Variants in LVRN observed in about 807,000 individuals in gnomAD.
The protein encoded by LVRN is laeverin.
A neutral mutation model predicts 111.4 loss-of-function variants in LVRN; 99 were observed. The ratio of observed to expected loss-of-function variants is 0.89; its 90% CI spans 0.76 to 1.05. The LOEUF is 1.05. Among genes scored for constraint, LVRN ranks in the 50% least tolerant of loss-of-function variants. LVRN has a pLI of 0.00. For missense variants in LVRN, 1,414 were observed against 1,206.8 expected (o/e 1.17, Z -2.54); for synonymous variants, 488 against 449.5 (o/e 1.09, Z -1.08).
intron 1 of LVRN, among the ~76,000 whole-genome samples, chr5:115,982,138 T>G (rs570529870): frequency 4.6e-5 from 7 of 152,304 alleles, no homozygotes; most frequent in African/African-American, 1.7e-4. Context: ...AAAACAGGCC[T>G]TACTATAAAT....
At chr5:116,005,616 A>G (rs1314960166) in intron 12 of LVRN, among the ~76,000 whole-genome samples, 15 of 152,204 alleles carry the variant, frequency 9.9e-5, no homozygotes, top group Admixed American at 9.8e-4. Context: ...GGCCTTTTAA[A>G]TTTGGTTGCC....
Position 116,010,751 on chromosome 5 carries a change from A to G in LVRN, c.2104A>G (p.Ile702Val), listed in dbSNP as rs1263331270. Reference sequence around the variant, plus strand: ...TTTTAAATCAAACAGAAACAATTATATTGAGATTGAAACAGCACTTGAGTT... The same window carrying G: ...TTTTAAATCAAACAGAAACAATTATGTTGAGATTGAAACAGCACTTGAGTT... ...DAFSLSKNNY[I>V]EIETALELTK... The change falls in exon 14 of 20, where the codon ATT becomes GTT. Residue 702 changes from isoleucine (I) to valine (V), a missense_variant. Coordinates refer to ENST00000357872, the MANE Select transcript of LVRN (RefSeq NM_173800.5). 1 of 1,595,694 alleles carries G rather than the reference A, an allele frequency of 6.3e-7. No homozygotes were observed. Among genetic ancestry groups the G allele is most frequent in the Admixed American group, 1.8e-5 (1 of 55,568 alleles).
intron 1 of LVRN, among the ~76,000 whole-genome samples, chr5:115,970,437 C>T (rs1217715531): frequency 2.1e-5 from 3 of 144,972 alleles, no homozygotes; most frequent in South Asian, 4.3e-4. Context: ...GGCTGGAGTA[C>T]AGTGACACAA....
At chr5:116,002,503 C>T (rs909627266) in intron 10 of LVRN, among the ~76,000 whole-genome samples, 4 of 152,204 alleles carry the variant, frequency 2.6e-5, no homozygotes, top group Non-Finnish European at 5.9e-5. Flanking sequence ...CTGTTTGCAG[C>T]ATTTGAACTA....
chr5:115,991,167 T>A (rs1304193950), intron 4 of LVRN, among the ~76,000 whole-genome samples: 1 of 152,198 alleles, frequency 6.6e-6, no homozygotes, highest in Admixed American at 6.5e-5. Context: ...ATAGTTTCAC[T>A]GCCATAAAAA....
chr5:115,985,953 T>C (rs950262962), intron 3 of LVRN, among the ~76,000 whole-genome samples: 1 of 152,158 alleles, frequency 6.6e-6, no homozygotes, highest in Non-Finnish European at 1.5e-5. Flanking sequence ...GCTTGCACCA[T>C]TGACATGTGG....
chr5:115,998,426 A>G (rs763256032), intron 6 of LVRN, among the ~76,000 whole-genome samples: 2 of 152,256 alleles, frequency 1.3e-5, no homozygotes, highest in Non-Finnish European at 2.9e-5. Context: ...AAGTTTTTAC[A>G]ACTATGGGAA....
rs991894138 is a variant in LVRN, at chr5:116,003,367, A to T, written c.2024A>T (p.Glu675Val). 92 of 1,459,796 alleles carry T rather than the reference A, an allele frequency of 6.3e-5. No individual in the cohort carries two copies. The East Asian group carries it at 2.2e-3, about 35-fold the overall frequency. The allele number at this position is 1,459,796 out of a possible 1,614,324, so 90.4% of individuals were successfully genotyped here. Residue 675 changes from glutamate (E) to valine (V), a missense_variant, in exon 12 of 20, where the codon GAA becomes GTA. Coordinates refer to ENST00000357872, the MANE Select transcript of LVRN (RefSeq NM_173800.5). ...TGGAAGAAACTAAATCAACAACTTG[A>T]AAAGGATCCTAAGGTAAGGTTACTT... Reference protein sequence around the residue: ...LGWKKLNQQLEKDPKAIPVIH... With the variant: ...LGWKKLNQQLVKDPKAIPVIH...
intron 1 of LVRN, among the ~76,000 whole-genome samples, chr5:115,970,384 C>CTTTTTT (rs3984987): frequency 7.5e-6 from 1 of 133,848 alleles, no homozygotes; most frequent in Non-Finnish European, 1.6e-5. Context: ...GAAATACATT[C>CTTTTTT]TTTTTTTTTT....
intron 1 of LVRN, among the ~76,000 whole-genome samples, chr5:115,971,848 A>G (rs1234332278): frequency 6.6e-6 from 1 of 152,096 alleles, no homozygotes; most frequent in Non-Finnish European, 1.5e-5. Flanking sequence ...TATTAAATAA[A>G]GAAAAAAAAG....
At chr5:116,020,570 AT>A (rs1748705991) in intron 18 of LVRN, among the ~76,000 whole-genome samples, 1 of 152,206 alleles carries the variant, frequency 6.6e-6, no homozygotes, top group Non-Finnish European at 1.5e-5. Context: ...AAAACTTGGA[AT>A]TGTTTTCACT....
intron 13 of LVRN, among the ~76,000 whole-genome samples, chr5:116,007,627 C>G (rs1205688944): frequency 1.3e-5 from 2 of 152,176 alleles, no homozygotes; most frequent in Non-Finnish European, 2.9e-5. Context: ...TTCATTGAAG[C>G]TCCTCAATGG....
chr5:115,980,911 T>C (rs1028382646), intron 1 of LVRN, among the ~76,000 whole-genome samples: 17 of 152,132 alleles, frequency 1.1e-4, no homozygotes, highest in Non-Finnish European at 2.9e-5. Context: ...TCTTTTTCCA[T>C]CCTGCTGGAT....
At chr5:116,025,319 C>T (rs976089313) in intron 19 of LVRN, among the ~76,000 whole-genome samples, 1 of 152,162 alleles carries the variant, frequency 6.6e-6, no homozygotes, top group Non-Finnish European at 1.5e-5. Context: ...GCATTTTCAT[C>T]TTATGGCTAT....
intron 6 of LVRN, among the ~76,000 whole-genome samples, chr5:115,997,537 C>T (rs1748141804): frequency 6.6e-6 from 1 of 151,652 alleles, no homozygotes; most frequent in South Asian, 2.1e-4. Flanking sequence ...GGTGCTGCAC[C>T]CTTGTAGTCC....
At chr5:116,003,748 A>AT (rs1312542644) in intron 12 of LVRN, among the ~76,000 whole-genome samples, 1 of 151,686 alleles carries the variant, frequency 6.6e-6, no homozygotes, top group Non-Finnish European at 1.5e-5. Flanking sequence ...CGCCCGGCTA[A>AT]TTTTTTGTAT....
intron 18 of LVRN, chr5:116,021,136 T>G (rs1289022156): frequency 5.3e-5 from 8 of 152,222 alleles, no homozygotes; most frequent in Non-Finnish European, 1.2e-4. Flanking sequence ...TTTTCTCATT[T>G]ATGCACCAGA....
At chr5:115,998,473 C>T (rs1002214539) in intron 6 of LVRN, among the ~76,000 whole-genome samples, 14 of 152,170 alleles carry the variant, frequency 9.2e-5, no homozygotes, top group Non-Finnish European at 1.9e-4. Flanking sequence ...AAAAGAACTA[C>T]ACTAACATTT....
At chr5:115,986,805 A>G (rs906275681) in intron 3 of LVRN, among the ~76,000 whole-genome samples, 23 of 152,244 alleles carry the variant, frequency 1.5e-4, no homozygotes, top group Admixed American at 6.5e-5. Context: ...AAATAAAAGC[A>G]AAGTAAGACG....
Sources: allele counts gnomAD v4.1 joint callset (sites outside exome capture counted in the v4.1 genomes callset), GRCh38; gene constraint gnomAD v4.1.1; transcripts MANE v1.5; gene names NCBI Gene and HGNC (gene_info 2026-07-23, HGNC 2026-07-21).